Variants in PSMD7 observed in about 807,000 individuals in gnomAD.
PSMD7 encodes the protein proteasome 26S subunit, non-ATPase 7.
In PSMD7, 13 loss-of-function variants were observed where a neutral mutation model predicts 36.4. The ratio of observed to expected loss-of-function variants is 0.36; its 90% CI spans 0.23 to 0.57. The LOEUF (loss-of-function observed/expected upper bound fraction) is 0.57. PSMD7 is among the 20% of genes least tolerant of loss of function. PSMD7 has a pLI of 0.83. For missense variants in PSMD7, 298 were observed against 393.6 expected (o/e 0.76, Z 2.06); for synonymous variants, 186 against 151.0 (o/e 1.23, Z -1.70).
intron 6 of PSMD7, chr16:74,305,010 A>T: frequency 5.5e-6 from 2 of 363,672 alleles, no homozygotes; most frequent in Non-Finnish European, 9.7e-6. Context: ...GACCTAAGCA[A>T]TTTTTTTTTC....
intron 1 of PSMD7, chr16:74,299,548 G>A (rs1482366529): frequency 1.1e-5 from 5 of 455,362 alleles, no homozygotes; most frequent in Non-Finnish European, 1.8e-5. Context: ...CACTATGCCC[G>A]GCTAAGTTTT....
Sources: allele counts gnomAD v4.1 joint callset, GRCh38; gene constraint gnomAD v4.1.1; transcripts MANE v1.5; gene names NCBI Gene and HGNC (gene_info 2026-07-23, HGNC 2026-07-21).